VPS50: variants seen among roughly 807,000 people sequenced by gnomAD.
VPS50 encodes syndetin.
VPS50 carries 70 observed loss-of-function variants against 139.7 expected under a neutral mutation model. The observed-to-expected ratio is 0.50, with a 90% CI of 0.41 to 0.61. VPS50 has a LOEUF of 0.61. Ranked by LOEUF, VPS50 falls within the 20% of genes least tolerant of loss-of-function variation. The probability of loss-of-function intolerance (pLI) is 0.00; values close to 1 mark genes in which losing one functional copy is unlikely to be tolerated. For synonymous variants in VPS50, 365 were observed against 376.7 expected (o/e 0.97, Z 0.36); for missense variants, 921 against 1,133.7 (o/e 0.81, Z 2.69).
At position 93,276,151 on chromosome 7, in the gene VPS50, T is replaced by C. The variant is rs748387397; in HGVS notation, c.802-14T>C. The C allele has an allele frequency of 1.9e-6, 3 of 1,546,780 alleles. No individual in the cohort carries two copies. The South Asian group carries it at 3.8e-5, about 20-fold the overall frequency. ...TAATGTGAAATTATGTTGTGCGTTT[T>C]TTTCTTTCCACAGACAGCAATGGAT... On this transcript the variant is annotated splice_polypyrimidine_tract_variant and intron_variant, in intron 11 of 27. Coordinates refer to ENST00000305866, the MANE Select transcript of VPS50 (RefSeq NM_017667.4).
At chr7:93,347,941 C>T (rs1798449151) in intron 23 of VPS50, among the ~76,000 whole-genome samples, 1 of 150,356 alleles carries the variant, frequency 6.7e-6, no homozygotes, top group Non-Finnish European at 1.5e-5. Flanking sequence ...GTAACCTGCA[C>T]ATTGTGCACA....
intron 9 of VPS50, 48 bp from the exon 10 acceptor site, chr7:93,271,168 CACTT>C (rs976393853): frequency 3.3e-5 from 51 of 1,544,480 alleles, no homozygotes; most frequent in Non-Finnish European, 4.3e-5. Flanking sequence ...ATTTATTTAG[CACTT>C]AGTTTGTCTC....
intron 2 of VPS50, among the ~76,000 whole-genome samples, 187 bp downstream of exon 2, chr7:93,240,121 A>G (rs140608380): frequency 6.6e-6 from 1 of 152,154 alleles, no homozygotes; most frequent in East Asian, 1.9e-4. Flanking sequence ...TGCAGTATGT[A>G]TGATGCATTA....
intron 12 of VPS50, among the ~76,000 whole-genome samples, chr7:93,288,053 G>A (rs1021114554): frequency 2.0e-5 from 3 of 152,150 alleles, no homozygotes; most frequent in Non-Finnish European, 4.4e-5. Flanking sequence ...GAGGATTAAC[G>A]TCTCATCTTA....
chr7:93,268,907 A>C (rs1348807267), intron 9 of VPS50, among the ~76,000 whole-genome samples: 2 of 152,152 alleles, frequency 1.3e-5, no homozygotes, highest in Non-Finnish European at 2.9e-5. Context: ...AGAATTGAGA[A>C]AAGATAATCA....
intron 3 of VPS50, among the ~76,000 whole-genome samples, chr7:93,253,002 G>T (rs1795381110): frequency 6.6e-6 from 1 of 151,910 alleles, no homozygotes; most frequent in Non-Finnish European, 1.5e-5. Flanking sequence ...CTGTATTTTT[G>T]GTTTTCAATT....
chr7:93,295,647 T>C (rs1244400168), intron 14 of VPS50, among the ~76,000 whole-genome samples: 1 of 152,194 alleles, frequency 6.6e-6, no homozygotes, highest in Non-Finnish European at 1.5e-5. Context: ...TGTTATGGTC[T>C]TTTAAAATGT....
intron 2 of VPS50, among the ~76,000 whole-genome samples, chr7:93,244,800 TCTAA>T (rs1340734008): frequency 1.3e-5 from 2 of 151,976 alleles, no homozygotes; most frequent in Non-Finnish European, 1.5e-5. Flanking sequence ...TAAGGGAGAC[TCTAA>T]CTATGGATCT....
At chr7:93,310,901 T>C (rs1449905710) in intron 19 of VPS50, among the ~76,000 whole-genome samples, 1 of 152,086 alleles carries the variant, frequency 6.6e-6, no homozygotes. Context: ...TCCTGGAAAA[T>C]CAGTTTTTTA....
chr7:93,353,412 C>T (rs893704079), intron 25 of VPS50, among the ~76,000 whole-genome samples: 7 of 152,182 alleles, frequency 4.6e-5, no homozygotes, highest in South Asian at 2.1e-4. Context: ...ACTCCTTTTG[C>T]GATAAAATGT....
Position 93,282,255 on chromosome 7 carries a change from G to A in VPS50, c.942+5950G>A, listed in dbSNP as rs575356610. On this transcript the variant is annotated intron_variant, in intron 12 of 27. Transcript: ENST00000305866. ...TTCTATTTCAGTAAATATGCTACTT[G>A]CATAATTTTTAATGACCAAACGGTA... 1.2e-3 allele frequency among the ~76,000 whole-genome samples: 179 copies of A among 151,592 alleles called. 1 individual carries two copies. Among genetic ancestry groups the A allele is most frequent in the Non-Finnish European group, 2.1e-3 (140 of 67,900 alleles).
chr7:93,253,967 A>C, intron 4 of VPS50, 36 bp downstream of exon 4: 2 of 1,190,074 alleles, frequency 1.7e-6, no homozygotes, highest in Non-Finnish European at 2.5e-6. Flanking sequence ...TTCTGGCAAA[A>C]CTCTAGATGA....
At chr7:93,257,373 C>G in intron 5 of VPS50, 21 bp from the exon 6 acceptor site, 1 of 1,439,948 alleles carries the variant, frequency 6.9e-7, no homozygotes, top group South Asian at 1.2e-5. Flanking sequence ...CAACAATAAC[C>G]TGTACCTAAT....
At chr7:93,353,141 C>G (rs1369038447) in intron 25 of VPS50, among the ~76,000 whole-genome samples, 1 of 152,094 alleles carries the variant, frequency 6.6e-6, no homozygotes, top group Non-Finnish European at 1.5e-5. Flanking sequence ...ATAAGGCATC[C>G]TCAACCCATA....
At chr7:93,300,565 T>G (rs1242130484) in intron 16 of VPS50, among the ~76,000 whole-genome samples, 2 of 152,072 alleles carry the variant, frequency 1.3e-5, no homozygotes, top group African/African-American at 4.8e-5. Context: ...AATTAAGAAA[T>G]TTAATTTAGC....
At chr7:93,259,419 A>T (rs745770259) in intron 8 of VPS50, 131 bp from the exon 9 acceptor site, 6 of 520,914 alleles carry the variant, frequency 1.2e-5, no homozygotes, top group Non-Finnish European at 2.1e-5. Context: ...TCTATCATTG[A>T]TATTCTAAGA....
Position 93,358,602 on chromosome 7 carries a change from CTT to C in VPS50, c.*169_*170del. On this transcript the variant is annotated 3_prime_UTR_variant, in exon 28 of 28. Coordinates refer to ENST00000305866, the MANE Select transcript of VPS50 (RefSeq NM_017667.4). ...TGAAATGTGTGTGGTGTTCTCATGA[CTT>C]TTATATGCTGTGGTCTCTTCAACTT... 1 of 587,876 alleles carries C rather than the reference CTT, an allele frequency of 1.7e-6. No individual in the cohort carries two copies. 36.4% of individuals were successfully genotyped at this position (587,876 alleles called of 1,614,324 possible).
intron 16 of VPS50, among the ~76,000 whole-genome samples, chr7:93,302,480 AT>A (rs1797005779): frequency 6.7e-6 from 1 of 149,834 alleles, no homozygotes; most frequent in African/African-American, 2.5e-5. Context: ...TTGGAAGTAT[AT>A]TTTTCAGTTC....
At chr7:93,236,354 A>C (rs1242309784) in intron 1 of VPS50, among the ~76,000 whole-genome samples, 1 of 152,122 alleles carries the variant, frequency 6.6e-6, no homozygotes, top group Non-Finnish European at 1.5e-5. Context: ...GGGTGTAAAC[A>C]CTCTTGAGTT....
Sources: gnomAD v4.1 joint callset for allele counts (sites outside exome capture counted in the v4.1 genomes callset) on GRCh38, gnomAD v4.1.1 for gene constraint, MANE v1.5 for transcripts, NCBI Gene and HGNC (gene_info 2026-07-23, HGNC 2026-07-21) for gene names.